The following ZCCHC2 variants were observed in gnomAD, a reference collection of about 807,000 sequenced individuals.
ZCCHC2 encodes the protein zinc finger CCHC-type containing 2, also known as zinc finger CCHC domain-containing protein 2.
In ZCCHC2, 39 loss-of-function variants were observed where a neutral mutation model predicts 103.6. The observed-to-expected ratio is 0.38, with a 90% CI of 0.29 to 0.49. The LOEUF (loss-of-function observed/expected upper bound fraction) is 0.49, where lower values mean the gene tolerates loss of function less well. Ranked by LOEUF, ZCCHC2 falls within the 20% of genes least tolerant of loss-of-function variation. The probability of loss-of-function intolerance (pLI) is 0.96; values close to 1 mark genes in which losing one functional copy is unlikely to be tolerated. For missense variants in ZCCHC2, 1,483 were observed against 1,491.0 expected, an observed-to-expected ratio of 0.99 and a Z score of 0.09; for synonymous variants, 687 against 608.9, an observed-to-expected ratio of 1.13 and a Z score of -1.89.
intron 1 of ZCCHC2, among the ~76,000 whole-genome samples, chr18:62,535,504 T>C (rs1414890247): frequency 6.6e-6 from 1 of 152,222 alleles, no homozygotes; most frequent in Non-Finnish European, 1.5e-5. Context: ...CAAATAACTA[T>C]AGTGAAGAGT....
chr18:62,549,862 G>C (rs773326373), intron 4 of ZCCHC2, among the ~76,000 whole-genome samples: 2 of 152,190 alleles, frequency 1.3e-5, no homozygotes, highest in Non-Finnish European at 2.9e-5. Context: ...TTGCTTCATA[G>C]CACTGGTGAT....
intron 2 of ZCCHC2, among the ~76,000 whole-genome samples, chr18:62,540,672 C>CT (rs891882719): frequency 6.6e-6 from 1 of 151,782 alleles, no homozygotes; most frequent in African/African-American, 2.4e-5. Context: ...AATGAAGGTC[C>CT]TTTTTTTTAA....
chr18:62,576,637 G>A lies in ZCCHC2; in HGVS notation c.*58G>A. The A allele has an allele frequency of 1.3e-6, 2 of 1,507,246 alleles. No homozygotes were observed. Among genetic ancestry groups the A allele is most frequent in the South Asian group, 2.3e-5 (2 of 85,934 alleles). 93.4% of individuals were successfully genotyped at this position (1,507,246 alleles called of 1,614,324 possible). A position where few individuals can be genotyped will look rare whatever the true frequency, so the allele number is the denominator to read the frequency against. On this transcript the variant is annotated 3_prime_UTR_variant, in exon 14 of 14. Coordinates refer to ENST00000269499, the MANE Select transcript of ZCCHC2 (RefSeq NM_017742.6). ...AGTGTGGGGAGTCATGGGGTGTGGA[G>A]GGGAGGAAAGGAAAGGTATTTTGTT...
At chr18:62,535,443 A>C (rs1051377564) in intron 1 of ZCCHC2, among the ~76,000 whole-genome samples, 1 of 152,218 alleles carries the variant, frequency 6.6e-6, no homozygotes, top group Admixed American at 6.5e-5. Flanking sequence ...GGTGTAAAAC[A>C]ATGACCATTT....
intron 6 of ZCCHC2, among the ~76,000 whole-genome samples, chr18:62,556,900 G>A (rs1915908239): frequency 6.6e-6 from 1 of 152,144 alleles, no homozygotes; most frequent in African/African-American, 2.4e-5. Flanking sequence ...AAGGATAAAT[G>A]TGTTAAATTC....
intron 2 of ZCCHC2, among the ~76,000 whole-genome samples, chr18:62,541,591 A>G (rs17668207): frequency 0.14 from 20,578 of 151,694 alleles, 1,643 homozygotes; most frequent in Non-Finnish European, 0.18. Flanking sequence ...TACTTTCCTA[A>G]CCTCTTCTCT....
At position 62,523,294 on chromosome 18, in the gene ZCCHC2, GGC is replaced by G; in HGVS notation, c.-130_-129del. On this transcript the variant is annotated 5_prime_UTR_variant, in exon 1 of 14. Coordinates refer to ENST00000269499, the MANE Select transcript of ZCCHC2 (RefSeq NM_017742.6). ...CCCTCGCCGGCCGAGACCCGCCCCC[GGC>G]CCCGGCCCTCCCCCGGCGGCATGGA... The G allele has an allele frequency of 3.0e-6, 1 of 329,000 alleles. No individual in the cohort carries two copies. Among genetic ancestry groups the G allele is most frequent in the Non-Finnish European group, 4.1e-6 (1 of 246,708 alleles). The allele number at this position is 329,000 out of a possible 1,614,324, so 20.4% of individuals were successfully genotyped here. A position where few individuals can be genotyped will look rare whatever the true frequency, so the allele number is the denominator to read the frequency against.
At chr18:62,527,240 G>T (rs1914468917) in intron 1 of ZCCHC2, among the ~76,000 whole-genome samples, 2 of 151,976 alleles carry the variant, frequency 1.3e-5, no homozygotes, top group Admixed American at 1.3e-4. Context: ...GGACTTCCTT[G>T]TATCCAGTAC....
chr18:62,526,484 G>A (rs1039596105), intron 1 of ZCCHC2, among the ~76,000 whole-genome samples: 1 of 152,220 alleles, frequency 6.6e-6, no homozygotes, highest in Non-Finnish European at 1.5e-5. Flanking sequence ...AGTCCCAGCT[G>A]TGGCTTGTTC....
intron 12 of ZCCHC2, among the ~76,000 whole-genome samples, chr18:62,573,126 A>G (rs1225170193): frequency 6.6e-6 from 1 of 152,210 alleles, no homozygotes; most frequent in East Asian, 1.9e-4. Flanking sequence ...TAAACAGTTC[A>G]TACCTTAATG....
In ZCCHC2 at chr18:62,574,085, G is replaced by A. The variant is rs757039725; in HGVS notation, c.2004G>A (p.Gly668=). ...RDTDSNSEDS[G]NPSTTRFTGY... ...CAGACAGCAATTCTGAGGATTCTGGGAATCCATCAACAACTAGGTTTACAG... is the reference window on the plus strand; with the variant it reads ...CAGACAGCAATTCTGAGGATTCTGGAAATCCATCAACAACTAGGTTTACAG... The change falls in exon 13 of 14, where the codon GGG becomes GGA. Residue 668 remains glycine (G), a synonymous_variant. Transcript: ENST00000269499. The A allele has an allele frequency of 5.6e-6, 9 of 1,613,656 alleles. No individual in the cohort carries two copies. Among genetic ancestry groups the A allele is most frequent in the Non-Finnish European group, 7.6e-6 (9 of 1,179,720 alleles).
chr18:62,560,719 G>T, intron 8 of ZCCHC2, 75 bp downstream of exon 8: 1 of 1,172,480 alleles, frequency 8.5e-7, no homozygotes, highest in South Asian at 1.4e-5. Flanking sequence ...TTAAATTTCT[G>T]ATGTATTTGG....
At chr18:62,537,915 T>C (rs180949941) in intron 1 of ZCCHC2, among the ~76,000 whole-genome samples, 2 of 152,362 alleles carry the variant, frequency 1.3e-5, no homozygotes, top group Admixed American at 1.3e-4. Flanking sequence ...GGTTCCATTT[T>C]CTTCATGTCC....
intron 1 of ZCCHC2, chr18:62,525,358 G>A (rs1226978542): frequency 6.6e-6 from 1 of 151,860 alleles, no homozygotes; most frequent in Non-Finnish European, 1.5e-5. Flanking sequence ...GTAGGTTTCA[G>A]TAAGAGTGAG....
exon 15 of ZCCHC2, chr18:62,586,252 T>C (rs1917167886): frequency 6.6e-6 from 1 of 152,178 alleles, no homozygotes; most frequent in Non-Finnish European, 1.5e-5. Context: ...GGGTTTACAG[T>C]TCTTTACGCT....
intron 1 of ZCCHC2, chr18:62,525,296 A>C (rs1187395409): frequency 2.0e-5 from 3 of 152,010 alleles, no homozygotes; most frequent in Non-Finnish European, 4.4e-5. Context: ...ATTTAATGAT[A>C]ATTAGGGTCC....
At chr18:62,569,236 T>C (rs542673090) in intron 11 of ZCCHC2, among the ~76,000 whole-genome samples, 1 of 152,322 alleles carries the variant, frequency 6.6e-6, no homozygotes, top group South Asian at 2.1e-4. Context: ...CACAAGTCAG[T>C]TGCCTGCATT....
intron 8 of ZCCHC2, among the ~76,000 whole-genome samples, chr18:62,561,357 A>G (rs1043559565): frequency 7.2e-5 from 11 of 152,088 alleles, no homozygotes; most frequent in Non-Finnish European, 1.5e-4. Flanking sequence ...ATTTCCTTGC[A>G]TCTTATTCTC....
At chr18:62,583,868 A>G (rs956687071) in intron 14 of ZCCHC2, among the ~76,000 whole-genome samples, 1 of 152,124 alleles carries the variant, frequency 6.6e-6, no homozygotes, top group African/African-American at 2.4e-5. Flanking sequence ...GCTGAGAGGC[A>G]GGTGTCAGCT....
Sources: gnomAD v4.1 joint callset for allele counts (sites outside exome capture counted in the v4.1 genomes callset) on GRCh38, gnomAD v4.1.1 for gene constraint, MANE v1.5 for transcripts, NCBI Gene and HGNC (gene_info 2026-07-23, HGNC 2026-07-21) for gene names.